XKR9: variants seen among roughly 807,000 people sequenced by gnomAD.
The protein encoded by XKR9 is XK-related protein 9.
A neutral mutation model predicts 32.0 loss-of-function variants in XKR9; 32 were observed. The observed-to-expected ratio is 1.00, with a 90% CI of 0.76 to 1.34. XKR9 has a LOEUF of 1.34. Among genes scored for constraint, XKR9 ranks in the 40% most tolerant of loss-of-function variants. XKR9 has a pLI of 0.00. For synonymous variants in XKR9, 168 were observed against 143.4 expected (o/e 1.17, Z -1.22); for missense variants, 546 against 429.7 (o/e 1.27, Z -2.39).
the XKR9 span, among the ~76,000 whole-genome samples, chr8:70,971,114 C>T: frequency 6.6e-6 from 1 of 152,314 alleles, no homozygotes; most frequent in Middle Eastern, 3.4e-3. Flanking sequence ...TTCCTTTTCA[C>T]TGCATCCATG....
At chr8:70,899,316 T>C in the XKR9 span, among the ~76,000 whole-genome samples, 1 of 152,166 alleles carries the variant, frequency 6.6e-6, no homozygotes, top group Admixed American at 6.5e-5. Context: ...TCTGCACCAG[T>C]GTCTTTTTCC....
At chr8:70,792,369 C>T (rs1254079593), downstream of XKR9, among the ~76,000 whole-genome samples, 5 of 152,022 alleles carry the variant, frequency 3.3e-5, no homozygotes, top group Admixed American at 3.3e-4. Context: ...TGAGTTGCCT[C>T]AAAGTTGAAC....
chr8:70,741,078 C>A (rs1032814797), intron 2 of XKR9, among the ~76,000 whole-genome samples: 1 of 152,230 alleles, frequency 6.6e-6, no homozygotes, highest in Middle Eastern at 3.2e-3. Context: ...AGAGGTGGAG[C>A]CTACAGAGGC....
chr8:70,768,589 C>T (rs1369056231), intron 2 of XKR9, among the ~76,000 whole-genome samples: 1 of 151,958 alleles, frequency 6.6e-6, no homozygotes, highest in Non-Finnish European at 1.5e-5. Flanking sequence ...CTAAAAACTT[C>T]CTTTTAAATC....
chr8:71,014,586 C>T, the XKR9 span, among the ~76,000 whole-genome samples: 1 of 152,156 alleles, frequency 6.6e-6, no homozygotes, highest in African/African-American at 2.4e-5. Flanking sequence ...CTAACTGATC[C>T]AGGATGATCT....
the XKR9 span, among the ~76,000 whole-genome samples, chr8:70,860,307 C>G: frequency 6.6e-6 from 1 of 152,036 alleles, no homozygotes; most frequent in Non-Finnish European, 1.5e-5. Flanking sequence ...AGCCAGTGAG[C>G]TAGCTAGCTC....
intron 3 of XKR9, among the ~76,000 whole-genome samples, chr8:70,690,094 T>C (rs1819458515): frequency 6.6e-6 from 1 of 152,188 alleles, no homozygotes; most frequent in Non-Finnish European, 1.5e-5. Context: ...TTTTTTGTTT[T>C]TCTTTCTTTT....
At chr8:70,700,464 C>T (rs1055944311) in intron 3 of XKR9, among the ~76,000 whole-genome samples, 7 of 152,220 alleles carry the variant, frequency 4.6e-5, no homozygotes, top group Admixed American at 1.3e-4. Context: ...ACCTGTTTGC[C>T]TGGGTATCAG....
At chr8:71,005,233 T>TTTC in the XKR9 span, among the ~76,000 whole-genome samples, 5 of 149,656 alleles carry the variant, frequency 3.3e-5, no homozygotes, top group Admixed American at 1.3e-4. Context: ...TTCTTTTTTT[T>TTTC]TTTTTTGAGA....
At chr8:71,050,256 TATATAGATAG>T in the XKR9 span, among the ~76,000 whole-genome samples, 66 of 130,892 alleles carry the variant, frequency 5.0e-4, no homozygotes, top group South Asian at 4.1e-3. Context: ...TATATATATA[TATATAGATAG>T]ATAGATAGAT....
the XKR9 span, among the ~76,000 whole-genome samples, chr8:71,046,013 A>C: frequency 2.5e-3 from 384 of 152,284 alleles, 4 homozygotes; most frequent in Middle Eastern, 0.014. Context: ...AGAGAAGAGC[A>C]TAAAACTAAA....
chr8:70,698,566 C>G (rs935439678), intron 3 of XKR9, among the ~76,000 whole-genome samples: 5 of 152,144 alleles, frequency 3.3e-5, no homozygotes, highest in African/African-American at 1.2e-4. Context: ...GTTGTAATTT[C>G]TGTTCTTTTA....
the XKR9 span, among the ~76,000 whole-genome samples, chr8:70,818,633 T>G: frequency 6.6e-6 from 1 of 152,230 alleles, no homozygotes; most frequent in Non-Finnish European, 1.5e-5. Context: ...ACATGTATGC[T>G]TAGTATAGTA....
the XKR9 span, among the ~76,000 whole-genome samples, chr8:70,958,311 C>A: frequency 3.4e-3 from 524 of 152,300 alleles, 3 homozygotes; most frequent in African/African-American, 0.012. Context: ...AATTTACACT[C>A]CCACCACCAG....
chr8:70,798,130 A>C, the XKR9 span, among the ~76,000 whole-genome samples: 1 of 152,192 alleles, frequency 6.6e-6, no homozygotes, highest in East Asian at 1.9e-4. Flanking sequence ...AAATTGCCAC[A>C]CTGCTTTCCA....
the XKR9 span, among the ~76,000 whole-genome samples, chr8:71,001,499 G>A: frequency 6.6e-6 from 1 of 152,138 alleles, no homozygotes; most frequent in African/African-American, 2.4e-5. Flanking sequence ...CTGGGCTCAA[G>A]CAATCTGCCT....
chr8:70,683,100 T>G (rs571867337), intron 3 of XKR9, among the ~76,000 whole-genome samples: 3 of 152,172 alleles, frequency 2.0e-5, no homozygotes, highest in Non-Finnish European at 2.9e-5. Flanking sequence ...CAACAAACAT[T>G]TGTAAATATA....
At chr8:70,953,680 G>A in the XKR9 span, among the ~76,000 whole-genome samples, 2 of 152,264 alleles carry the variant, frequency 1.3e-5, no homozygotes, top group Non-Finnish European at 2.9e-5. Flanking sequence ...AACTCTGTGA[G>A]TAGTCTTCCA....
chr8:70,725,563 C>T (rs1253581994), intron 4 of XKR9, among the ~76,000 whole-genome samples: 1 of 152,014 alleles, frequency 6.6e-6, no homozygotes, highest in African/African-American at 2.4e-5. Context: ...TTCTTATATA[C>T]TCTGTAGAAC....
Sources: allele counts gnomAD v4.1 joint callset (sites outside exome capture counted in the v4.1 genomes callset), GRCh38; gene constraint gnomAD v4.1.1; transcripts MANE v1.5; gene names NCBI Gene and HGNC (gene_info 2026-07-23, HGNC 2026-07-21).